DZIP1L: variants seen among roughly 807,000 people sequenced by gnomAD.
DZIP1L encodes cilium assembly protein DZIP1L.
A neutral mutation model predicts 88.7 loss-of-function variants in DZIP1L; 90 were observed. The ratio of observed to expected loss-of-function variants is 1.02; its 90% confidence interval spans 0.86 to 1.21. The LOEUF (loss-of-function observed/expected upper bound fraction) is 1.21. Among genes scored for constraint, DZIP1L ranks in the 50% most tolerant of loss-of-function variants. The pLI, the probability that DZIP1L is intolerant of heterozygous loss-of-function variation, is 0.00. For synonymous variants in DZIP1L, 363 were observed against 372.1 expected (o/e 0.98, Z 0.28); for missense variants, 932 against 955.8 (o/e 0.98, Z 0.33).
At chr3:138,073,303 C>T (rs185250028) in intron 11 of DZIP1L, among the ~76,000 whole-genome samples, 1 of 152,264 alleles carries the variant, frequency 6.6e-6, no homozygotes, top group Admixed American at 6.5e-5. Context: ...CAAGGACCCT[C>T]AAGAGTCCAC....
intron 7 of DZIP1L, 86 bp downstream of exon 7, chr3:138,086,875 G>T: frequency 7.2e-7 from 1 of 1,380,338 alleles, no homozygotes; most frequent in South Asian, 1.2e-5. Context: ...TAGGGGAGAT[G>T]GTGGGTGAGG....
At chr3:138,102,283 A>G in intron 2 of DZIP1L, 1 of 1,435,636 alleles carries the variant, frequency 7.0e-7, no homozygotes, top group Middle Eastern at 2.3e-4. Context: ...TCCAGGCGAG[A>G]CTCCAGCTCT....
At chr3:138,064,068 C>T (rs916971821) in intron 15 of DZIP1L, among the ~76,000 whole-genome samples, 1 of 152,168 alleles carries the variant, frequency 6.6e-6, no homozygotes, top group African/African-American at 2.4e-5. Flanking sequence ...TGGGGAAGCC[C>T]AACATCTGAG....
chr3:138,081,034 G>A (rs1241808972), intron 9 of DZIP1L, among the ~76,000 whole-genome samples: 1 of 152,110 alleles, frequency 6.6e-6, no homozygotes, highest in Non-Finnish European at 1.5e-5. Flanking sequence ...CACAGGGGTC[G>A]GGCCTGTCTG....
chr3:138,098,259 G>C (rs1277252656), intron 2 of DZIP1L, among the ~76,000 whole-genome samples: 1 of 152,208 alleles, frequency 6.6e-6, no homozygotes, highest in African/African-American at 2.4e-5. Flanking sequence ...GGGAAGAGAT[G>C]CAACAACACT....
chr3:138,064,032 G>A (rs1222046806), intron 15 of DZIP1L, among the ~76,000 whole-genome samples: 2 of 152,282 alleles, frequency 1.3e-5, no homozygotes, highest in African/African-American at 2.4e-5. Context: ...GAGGAGAGAC[G>A]GGCAGTGAGG....
chr3:138,067,651 G>A lies in DZIP1L; in HGVS notation c.1882C>T (p.Arg628Cys), dbSNP rs146774074. Reference protein sequence around the residue: ...EEDSEGDRVQRVSLQPPKVPS... With the variant: ...EEDSEGDRVQCVSLQPPKVPS... ...ACTTTTGGGGGCTGTAGAGACACAC[G>A]CTGCACACGGTCTCCCTCTGAGTCC... The change falls in exon 14 of 16, where the codon CGT becomes TGT. Residue 628 changes from arginine to cysteine, a missense_variant. Arg to Cys is a radical substitution (Grantham distance 180). Coordinates refer to ENST00000327532, the MANE Select transcript of DZIP1L (RefSeq NM_173543.3). 9.0e-5 allele frequency: 144 copies of A among 1,608,742 alleles called. 1 individual carries two copies. In the African/African-American group the frequency reaches 1.3e-3, roughly 15 times the overall value.
intron 1 of DZIP1L, among the ~76,000 whole-genome samples, chr3:138,107,378 C>T (rs1187281254): frequency 2.0e-5 from 3 of 152,160 alleles, no homozygotes; most frequent in African/African-American, 4.8e-5. Context: ...CTTGACCTTC[C>T]ACTCTCCACC....
chr3:138,065,802 C>A (rs918626703), intron 14 of DZIP1L, among the ~76,000 whole-genome samples: 1 of 152,212 alleles, frequency 6.6e-6, no homozygotes, highest in Admixed American at 6.5e-5. Flanking sequence ...TTTAACACAG[C>A]CTTGGCTAGA....
intron 2 of DZIP1L, chr3:138,101,699 G>C: frequency 1.2e-6 from 1 of 815,038 alleles, no homozygotes; most frequent in Non-Finnish European, 2.2e-6. Flanking sequence ...GTCTTTGTAT[G>C]GATACTTGTG....
intron 6 of DZIP1L, among the ~76,000 whole-genome samples, chr3:138,087,388 C>A (rs2622715): frequency 2.0e-5 from 3 of 152,016 alleles, no homozygotes; most frequent in African/African-American, 4.8e-5. Flanking sequence ...AGTGGGGAAG[C>A]CCATAAAGAA....
Position 138,103,928 on chromosome 3 carries a change from A to T in DZIP1L, c.44T>A (p.Leu15His). ...AATAEGLSGP[L>H]FGAYTFPTFK... ...GGTGGGGAACGTGTAGGCCCCAAAG[A>T]GGGGGCCACTGAGGCCCTCAGCAGT... The change falls in exon 2 of 16, where the codon CTC (leucine) becomes CAC (histidine). Residue 15 changes from leucine to histidine, a missense_variant. Leu to His is a moderately conservative substitution (Grantham distance 99, BLOSUM62 -3). Transcript: ENST00000327532. The T allele has an allele frequency of 6.2e-7, 1 of 1,613,396 alleles. No individual in the cohort carries two copies. Among genetic ancestry groups the T allele is most frequent in the East Asian group, 2.2e-5 (1 of 44,872 alleles).
chr3:138,085,277 G>A (rs998711876), intron 7 of DZIP1L, among the ~76,000 whole-genome samples: 1 of 152,150 alleles, frequency 6.6e-6, no homozygotes, highest in African/African-American at 2.4e-5. Context: ...AAACTCAAGA[G>A]CTTCTGCATA....
chr3:138,095,114 A>C lies in DZIP1L; in HGVS notation c.587-131T>G, dbSNP rs1944409992. On this transcript the variant is annotated intron_variant, in intron 3 of 15. Coordinates refer to ENST00000327532, the MANE Select transcript of DZIP1L (RefSeq NM_173543.3). Reference sequence around the variant, plus strand: ...GCTACTTAGTACGTTGACATTGGGCAAAGAACATAACCTCCCTGTCCCTCT... The same window carrying C: ...GCTACTTAGTACGTTGACATTGGGCCAAGAACATAACCTCCCTGTCCCTCT... 5 of 1,374,540 alleles carry C rather than the reference A, an allele frequency of 3.6e-6. No homozygotes were observed. The South Asian group carries it at 6.9e-5, about 19-fold the overall frequency. 85.1% of individuals were successfully genotyped at this position (1,374,540 alleles called of 1,614,324 possible).
Position 138,071,650 on chromosome 3 carries a change from C to T in DZIP1L, c.1608G>A (p.Gln536=). 1 of 1,612,402 alleles carries T rather than the reference C, an allele frequency of 6.2e-7. No homozygotes were observed. Among genetic ancestry groups the T allele is most frequent in the South Asian group, 1.1e-5 (1 of 90,794 alleles). The part of the protein sequence containing the change: ...NGAVVSQPDG[Q]PSVKSQQSTL... ...GCCCTCTCCCCAGTGTACCTGAAGGCTGCCCGTCTGGCTGGGACACCACAG... is the reference window on the plus strand; with the variant it reads ...GCCCTCTCCCCAGTGTACCTGAAGGTTGCCCGTCTGGCTGGGACACCACAG... Residue 536 remains glutamine (Q), a synonymous_variant, in exon 12 of 16, where the codon CAG becomes CAA. Coordinates refer to ENST00000327532, the MANE Select transcript of DZIP1L (RefSeq NM_173543.3).
chr3:138,082,381 G>T (rs1465925527), intron 8 of DZIP1L, among the ~76,000 whole-genome samples: 2 of 152,322 alleles, frequency 1.3e-5, no homozygotes, highest in South Asian at 2.1e-4. Flanking sequence ...TGTCAAAGCT[G>T]CTGGCAGCCA....
At position 138,105,151 on chromosome 3, in the gene DZIP1L, C is replaced by T. The variant is rs537438799; in HGVS notation, c.-81-1099G>A. Reference sequence around the variant, plus strand: ...ACACACAAAATAGGCATATATACCTCTATTTCTGTTTTAATGACATATTAA... The same window carrying T: ...ACACACAAAATAGGCATATATACCTTTATTTCTGTTTTAATGACATATTAA... On this transcript the variant is annotated intron_variant, in intron 1 of 15. Transcript: ENST00000327532. 1.6e-4 allele frequency among the ~76,000 whole-genome samples: 24 copies of T among 152,094 alleles called. No homozygotes were observed. In the South Asian group the frequency reaches 1.7e-3, roughly 11 times the overall value.
At chr3:138,077,449 G>T (rs761073183) in intron 11 of DZIP1L, 50 bp downstream of exon 11, 32 of 1,606,346 alleles carry the variant, frequency 2.0e-5, no homozygotes, top group Non-Finnish European at 2.6e-5. Flanking sequence ...AGAACACTTA[G>T]TGTCTAAATC....
intron 5 of DZIP1L, chr3:138,089,351 C>T: frequency 1.3e-6 from 1 of 795,112 alleles, no homozygotes; most frequent in Non-Finnish European, 1.5e-6. Flanking sequence ...TTTCCATATG[C>T]TGCTTATGAC....
Sources: gnomAD v4.1 joint callset for allele counts (sites outside exome capture counted in the v4.1 genomes callset) on GRCh38, gnomAD v4.1.1 for gene constraint, MANE v1.5 for transcripts, NCBI Gene and HGNC (gene_info 2026-07-23, HGNC 2026-07-21) for gene names.